KIFC1: variants seen among roughly 807,000 people sequenced by gnomAD.
KIFC1 encodes the protein kinesin family member C1.
In KIFC1, 37 loss-of-function variants were observed where a neutral mutation model predicts 66.6. The observed-to-expected ratio is 0.56, with a 90% CI of 0.43 to 0.73. KIFC1 has a LOEUF of 0.73. Ranked by LOEUF, KIFC1 falls within the 30% of genes least tolerant of loss-of-function variation. The pLI is 0.00. For synonymous variants in KIFC1, 325 were observed against 343.5 expected (o/e 0.95, Z 0.60); for missense variants, 721 against 859.8 (o/e 0.84, Z 2.02).
intron 3 of KIFC1, among the ~76,000 whole-genome samples, chr6:33,402,455 C>T (rs1251258713): frequency 6.6e-6 from 1 of 152,142 alleles, no homozygotes; most frequent in Non-Finnish European, 1.5e-5. Context: ...GATGTGGTGG[C>T]TCACGCCTGT....
chr6:33,404,229 C>T lies in KIFC1; in HGVS notation c.756+100C>T, dbSNP rs1581919038. 1.7e-6 allele frequency: 2 copies of T among 1,161,414 alleles called. No homozygotes were observed. Among genetic ancestry groups the T allele is most frequent in the Non-Finnish European group, 2.4e-6 (2 of 822,162 alleles). 71.9% of individuals were successfully genotyped at this position (1,161,414 alleles called of 1,614,324 possible). A position where few individuals can be genotyped will look rare whatever the true frequency, so the allele number is the denominator to read the frequency against. On this transcript the variant is annotated intron_variant, in intron 6 of 10. Coordinates refer to ENST00000428849, the MANE Select transcript of KIFC1 (RefSeq NM_002263.4). The surrounding 1 kb of genome is among the most constrained non-coding windows in gnomAD (Gnocchi z 4.0). ...CCCCTCAAGTCTGGGCTGAGAACTC[C>T]TGAGCACCTATCTTTAGCAGTATAG... is the stretch of plus-strand genomic sequence containing the variant.
Position 33,403,820 on chromosome 6 carries a change from A to G in KIFC1, c.447A>G (p.Glu149=). The G allele has an allele frequency of 2.5e-6, 4 of 1,614,236 alleles. No individual in the cohort carries two copies. The highest frequency in any genetic ancestry group is 2.5e-6 in the Non-Finnish European group (3 of 1,180,050). The change falls in exon 6 of 11, where the codon GAA becomes GAG. Residue 149 remains glutamate (E), a synonymous_variant. Transcript: ENST00000428849. The surrounding 1 kb of genome is among the most constrained non-coding windows in gnomAD (Gnocchi z 4.6). ...GTCAGTTATGTGACCTAAATGCAGA[A>G]CTAAAACGGTGCCGTGAGAGGACTC... ...LKGQLCDLNA[E]LKRCRERTQT...
At chr6:33,396,843 G>A (rs573076038) in intron 1 of KIFC1, among the ~76,000 whole-genome samples, 124 of 151,874 alleles carry the variant, frequency 8.2e-4, no homozygotes, top group Non-Finnish European at 1.2e-3. Flanking sequence ...CACCACGCCC[G>A]GCTAATTTTT....
Position 33,404,223 on chromosome 6 carries a change from G to A in KIFC1, c.756+94G>A. 8.1e-7 allele frequency: 1 copy of A among 1,233,026 alleles called. No homozygotes were observed. Among genetic ancestry groups the A allele is most frequent in the South Asian group, 1.4e-5 (1 of 70,174 alleles). The allele number at this position is 1,233,026 out of a possible 1,614,324, so 76.4% of individuals were successfully genotyped here. ...CAGGTACCCCTCAAGTCTGGGCTGA[G>A]AACTCCTGAGCACCTATCTTTAGCA... On this transcript the variant is annotated intron_variant, in intron 6 of 10. Coordinates refer to ENST00000428849, the MANE Select transcript of KIFC1 (RefSeq NM_002263.4). This position sits in a 1 kb window ranked among gnomAD's most constrained non-coding sequence, Gnocchi z 4.0.
Position 33,406,765 on chromosome 6 carries a change from C to A in KIFC1, c.1902-35C>A. On this transcript the variant is annotated intron_variant, in intron 9 of 10. Coordinates refer to ENST00000428849, the MANE Select transcript of KIFC1 (RefSeq NM_002263.4). The surrounding 1 kb of genome is among the most constrained non-coding windows in gnomAD (Gnocchi z 4.5). ...AGACCTGTCCAGGCTCTGCTGGCCC[C>A]TAATGCTGGGGTTGGGCACATTGTC... The A allele has an allele frequency of 6.2e-7, 1 of 1,613,696 alleles. No homozygotes were observed. The highest frequency in any genetic ancestry group is 1.7e-5 in the Admixed American group (1 of 60,028).
intron 10 of KIFC1, among the ~76,000 whole-genome samples, chr6:33,408,393 A>G (rs982446533): frequency 6.6e-6 from 1 of 152,164 alleles, no homozygotes; most frequent in Non-Finnish European, 1.5e-5. Flanking sequence ...GGTGTTGTCA[A>G]CCTGACCCAT....
rs1312444067 is a variant in KIFC1 at position 33,404,253 on chromosome 6, A to G, written c.756+124A>G. ...CCTGAGCACCTATCTTTAGCAGTATAGGTGCTGCTGAAGATACCTCTCTCT... is the reference window on the plus strand; with the variant it reads ...CCTGAGCACCTATCTTTAGCAGTATGGGTGCTGCTGAAGATACCTCTCTCT... On this transcript the variant is annotated intron_variant, in intron 6 of 10. Coordinates refer to ENST00000428849, the MANE Select transcript of KIFC1 (RefSeq NM_002263.4). The surrounding 1 kb of genome is among the most constrained non-coding windows in gnomAD (Gnocchi z 4.0). The G allele has an allele frequency of 4.5e-6, 4 of 897,376 alleles. No homozygotes were observed. The African/African-American group carries it at 6.7e-5, about 15-fold the overall frequency. The allele number at this position is 897,376 out of a possible 1,614,324, so 55.6% of individuals were successfully genotyped here. A position where few individuals can be genotyped will look rare whatever the true frequency, so the allele number is the denominator to read the frequency against.
In KIFC1 at chr6:33,406,990, G is replaced by T; in HGVS notation, c.1977+115G>T. On this transcript the variant is annotated intron_variant, in intron 10 of 10. Coordinates refer to ENST00000428849, the MANE Select transcript of KIFC1 (RefSeq NM_002263.4). The surrounding 1 kb of genome is among the most constrained non-coding windows in gnomAD (Gnocchi z 4.5). ...CACATTTGTGCAGAAAGGTTTTGCAGGTATCTGAGGCACTGCTCACCTGGT... is the reference window on the plus strand; with the variant it reads ...CACATTTGTGCAGAAAGGTTTTGCATGTATCTGAGGCACTGCTCACCTGGT... 1 of 1,499,662 alleles carries T rather than the reference G, an allele frequency of 6.7e-7. No individual in the cohort carries two copies. The highest frequency in any genetic ancestry group is 2.4e-5 in the Admixed American group (1 of 41,404). 92.9% of individuals were successfully genotyped at this position (1,499,662 alleles called of 1,614,324 possible).
upstream of KIFC1, chr6:33,391,635 A>C (rs1048447074): frequency 6.1e-6 from 3 of 488,830 alleles, no homozygotes; most frequent in East Asian, 4.0e-5. Context: ...GGTGAGAAGC[A>C]TAAGTGGCAC....
Position 33,403,755 on chromosome 6 carries a change from G to A in KIFC1, c.382G>A (p.Gly128Arg). 6.2e-7 allele frequency: 1 copy of A among 1,613,646 alleles called. No individual in the cohort carries two copies. The highest frequency in any genetic ancestry group is 8.5e-7 in the Non-Finnish European group (1 of 1,179,712). ...GTSGVPPMAGGKKPSKRPAWD... is the reference protein window; with the variant it reads ...GTSGVPPMAGRKKPSKRPAWD... ...ATCAGGTGTTCCTCCCATGGCAGGA[G>A]GGAAGAAACCCAGCAAACGTCCAGC... The change falls in exon 6 of 11, where the codon GGG becomes AGG. Residue 128 changes from glycine to arginine, a missense_variant. Gly to Arg is a moderately radical substitution (Grantham distance 125). Coordinates refer to ENST00000428849, the MANE Select transcript of KIFC1 (RefSeq NM_002263.4). The surrounding 1 kb of genome is among the most constrained non-coding windows in gnomAD (Gnocchi z 4.6).
intron 1 of KIFC1, among the ~76,000 whole-genome samples, chr6:33,396,756 ACTGCAAGCTC>A (rs1437652298): frequency 9.4e-5 from 14 of 148,868 alleles, no homozygotes; most frequent in Non-Finnish European, 1.5e-4. Context: ...ATCTTGGCTC[ACTGCAAGCTC>A]CGCCTCCCGG....
chr6:33,391,728 G>C (rs1384737481), upstream of KIFC1: 3 of 602,660 alleles, frequency 5.0e-6, no homozygotes, highest in African/African-American at 3.7e-5. Context: ...GTGTGGCTTC[G>C]GGTGGCGGAG....
At chr6:33,391,727 CG>C, upstream of KIFC1, 1 of 601,900 alleles carries the variant, frequency 1.7e-6, no homozygotes, top group Non-Finnish European at 3.0e-6. Context: ...GGTGTGGCTT[CG>C]GGTGGCGGAG....
chr6:33,393,575 G>A (rs1774894639), intron 1 of KIFC1, among the ~76,000 whole-genome samples: 1 of 151,082 alleles, frequency 6.6e-6, no homozygotes, highest in Admixed American at 6.6e-5. Context: ...TGAGTAGCTG[G>A]GACTACAGGC....
chr6:33,395,188 T>C (rs1212098863), intron 1 of KIFC1, among the ~76,000 whole-genome samples: 1 of 152,172 alleles, frequency 6.6e-6, no homozygotes. Context: ...ATGAATACAC[T>C]AGAGGTAATA....
chr6:33,399,967 G>T, intron 3 of KIFC1: 8 of 569,906 alleles, frequency 1.4e-5, no homozygotes, highest in South Asian at 4.5e-5. Context: ...TTTCCCACTT[G>T]CCAAGGCTGA....
intron 1 of KIFC1, among the ~76,000 whole-genome samples, chr6:33,392,897 G>A (rs1034877007): frequency 2.0e-5 from 3 of 152,206 alleles, no homozygotes. Flanking sequence ...TACTTAGGAT[G>A]CAGCAGTGAA....
At chr6:33,398,740 A>G (rs1247698965) in intron 3 of KIFC1, among the ~76,000 whole-genome samples, 1 of 152,190 alleles carries the variant, frequency 6.6e-6, no homozygotes, top group African/African-American at 2.4e-5. Context: ...TGCTGGGATT[A>G]TAGGTGTGAG....
In KIFC1 at chr6:33,403,280, A is replaced by G; in HGVS notation, c.251-34A>G. ...TGTACATGCCATCTTAAGAATGATCATTCTACCTTTGCTCTCTCCCATCTC... is the reference window on the plus strand; with the variant it reads ...TGTACATGCCATCTTAAGAATGATCGTTCTACCTTTGCTCTCTCCCATCTC... On this transcript the variant is annotated intron_variant, in intron 3 of 10. Coordinates refer to ENST00000428849, the MANE Select transcript of KIFC1 (RefSeq NM_002263.4). This position sits in a 1 kb window ranked among gnomAD's most constrained non-coding sequence, Gnocchi z 4.6. The G allele has an allele frequency of 1.3e-6, 2 of 1,594,810 alleles. No homozygotes were observed. Among genetic ancestry groups the G allele is most frequent in the Non-Finnish European group, 1.7e-6 (2 of 1,164,018 alleles).
Sources: allele counts gnomAD v4.1 joint callset (sites outside exome capture counted in the v4.1 genomes callset), GRCh38; gene constraint gnomAD v4.1.1; non-coding constraint Gnocchi (gnomAD v3.1); transcripts MANE v1.5; gene names NCBI Gene and HGNC (gene_info 2026-07-23, HGNC 2026-07-21).